RPLP1: variants seen among roughly 807,000 people sequenced by gnomAD.
RPLP1 encodes large ribosomal subunit protein P1.
A neutral mutation model predicts 11.6 loss-of-function variants in RPLP1; 4 were observed. The ratio of observed to expected loss-of-function variants is 0.34; its 90% CI spans 0.17 to 0.79. The LOEUF is 0.79. Ranked by LOEUF, RPLP1 falls within the 30% of genes least tolerant of loss-of-function variation. RPLP1 has a pLI of 0.55. For missense variants in RPLP1, 133 were observed against 142.8 expected, an observed-to-expected ratio of 0.93 and a Z score of 0.35; for synonymous variants, 54 against 52.2, an observed-to-expected ratio of 1.03 and a Z score of -0.15.
rs773218696 is a variant in RPLP1, at chr15:69,455,207, A to G, written c.185A>G (p.Asn62Ser). ...GTCAACATTGGGAGCCTCATCTGCAATGTAGGGGCCGGTGGACCTGCTCCA... is the reference window on the plus strand; with the variant it reads ...GTCAACATTGGGAGCCTCATCTGCAGTGTAGGGGCCGGTGGACCTGCTCCA... ...ANVNIGSLICNVGAGGPAPAA... is the reference protein window; with the variant it reads ...ANVNIGSLICSVGAGGPAPAA... Residue 62 changes from asparagine to serine, a missense_variant, in exon 3 of 4, where the codon AAT becomes AGT. Physicochemically the swap from Asn to Ser is conservative, Grantham distance 46 (BLOSUM62 1). Coordinates refer to ENST00000260379, the MANE Select transcript of RPLP1 (RefSeq NM_001003.3). 4.1e-5 allele frequency: 66 copies of G among 1,606,772 alleles called. No homozygotes were observed. Among genetic ancestry groups the G allele is most frequent in the Non-Finnish European group, 4.8e-5 (56 of 1,176,890 alleles).
In RPLP1 at chr15:69,455,222, G is replaced by T; in HGVS notation, c.200G>T (p.Gly67Val). 1 of 1,607,264 alleles carries T rather than the reference G, an allele frequency of 6.2e-7. No individual in the cohort carries two copies. Among genetic ancestry groups the T allele is most frequent in the African/African-American group, 1.3e-5 (1 of 74,756 alleles). ...GSLICNVGAG[G>V]PAPAAGAAPA... ...CTCATCTGCAATGTAGGGGCCGGTG[G>T]ACCTGCTCCAGCAGCTGGTGCTGCA... Residue 67 changes from glycine (G) to valine (V), a missense_variant, in exon 3 of 4, where the codon GGA (glycine) becomes GTA (valine). By Grantham distance (109) the Gly-to-Val change is moderately radical. Coordinates refer to ENST00000260379, the MANE Select transcript of RPLP1 (RefSeq NM_001003.3).
chr15:69,453,274 C>T (rs565291728), intron 1 of RPLP1: 2 of 581,064 alleles, frequency 3.4e-6, no homozygotes, highest in Non-Finnish European at 3.0e-6. Flanking sequence ...CAAGAGCCTT[C>T]GTGTAGAAAA....
Position 69,455,535 on chromosome 15 carries a change from A to G in RPLP1, c.*28A>G. 6.5e-7 allele frequency: 1 copy of G among 1,533,506 alleles called. No homozygotes were observed. The highest frequency in any genetic ancestry group is 8.9e-7 in the Non-Finnish European group (1 of 1,125,102). 95.0% of individuals were successfully genotyped at this position (1,533,506 alleles called of 1,614,324 possible). ...CTCTTTTATAACATGTTCAATAAAA[A>G]GCTGAACTTTACTGCTGTTGGTCTT... On this transcript the variant is annotated 3_prime_UTR_variant, in exon 4 of 4. Transcript: ENST00000260379.
chr15:69,453,904 C>A (rs1452066448), intron 2 of RPLP1, 183 bp downstream of exon 2: 7 of 600,806 alleles, frequency 1.2e-5, no homozygotes, highest in Non-Finnish European at 2.1e-5. Flanking sequence ...TCTTACGTTT[C>A]CTTATCAGAC....
At chr15:69,454,842 G>A (rs902150042) in intron 2 of RPLP1, 2 of 179,394 alleles carry the variant, frequency 1.1e-5, no homozygotes, top group African/African-American at 4.7e-5. Context: ...TGTAACCTAA[G>A]TCTTGGCTGT....
In RPLP1 at chr15:69,453,113, C is replaced by T; in HGVS notation, c.72+93C>T. On this transcript the variant is annotated intron_variant, in intron 1 of 3. Coordinates refer to ENST00000260379, the MANE Select transcript of RPLP1 (RefSeq NM_001003.3). ...CCCGGCTCCAGGCCGTTCGACTGAG[C>T]ACTTCCGGCCGGGGCCAGGCCGCGA... is the stretch of plus-strand genomic sequence containing the variant. The T allele has an allele frequency of 5.9e-6, 7 of 1,191,502 alleles. No individual in the cohort carries two copies. The Admixed American group carries it at 6.0e-5, about 10-fold the overall frequency. 73.8% of individuals were successfully genotyped at this position (1,191,502 alleles called of 1,614,324 possible).
rs903166721 is a variant in RPLP1 at position 69,452,852 on chromosome 15, C to G, written c.-97C>G. 7.7e-6 allele frequency: 9 copies of G among 1,175,902 alleles called. No individual in the cohort carries two copies. Among genetic ancestry groups the G allele is most frequent in the African/African-American group, 3.0e-5 (2 of 66,032 alleles). The allele number at this position is 1,175,902 out of a possible 1,614,324, so 72.8% of individuals were successfully genotyped here. A position where few individuals can be genotyped will look rare whatever the true frequency, so the allele number is the denominator to read the frequency against. ...TCAGCTGCCGCCAAGGTGCTCGGTC[C>G]TTCCGAGGAAGCTAAGGCTGCGTTG... is the stretch of plus-strand genomic sequence containing the variant. On this transcript the variant is annotated 5_prime_UTR_variant, in exon 1 of 4. Coordinates refer to ENST00000260379, the MANE Select transcript of RPLP1 (RefSeq NM_001003.3).
intron 2 of RPLP1, 188 bp downstream of exon 2, chr15:69,453,909 T>G (rs904174910): frequency 3.3e-6 from 2 of 600,338 alleles, no homozygotes; most frequent in Middle Eastern, 3.8e-4. Context: ...CGTTTCCTTA[T>G]CAGACTCTGG....
rs765659388 is a variant in RPLP1, at chr15:69,455,509, CCT to C, written c.*5_*6del. The C allele has an allele frequency of 1.3e-6, 2 of 1,595,820 alleles. No individual in the cohort carries two copies. Among genetic ancestry groups the C allele is most frequent in the South Asian group, 2.2e-5 (2 of 89,564 alleles). ...ATGGGCTTTGGTCTTTTTGACTAAA[CCT>C]CTTTTATAACATGTTCAATAAAAAG... On this transcript the variant is annotated 3_prime_UTR_variant, in exon 4 of 4. Transcript: ENST00000260379.
At position 69,453,507 on chromosome 15, in the gene RPLP1, C is replaced by T. The variant is rs1892385298; in HGVS notation, c.73-140C>T. The T allele has an allele frequency of 3.3e-6, 3 of 897,440 alleles. No individual in the cohort carries two copies. In the African/African-American group the frequency reaches 5.0e-5, roughly 15 times the overall value. 55.6% of individuals were successfully genotyped at this position (897,440 alleles called of 1,614,324 possible). A position where few individuals can be genotyped will look rare whatever the true frequency, so the allele number is the denominator to read the frequency against. ...GATGGGCTCGCCTCATTGCAGGGCG[C>T]CTGGCACACATCTCTTTTGCTTGTG... On this transcript the variant is annotated intron_variant, in intron 1 of 3. Transcript: ENST00000260379.
chr15:69,453,518 T>TG, intron 1 of RPLP1, 129 bp from the exon 2 acceptor site: 1 of 1,020,888 alleles, frequency 9.8e-7, no homozygotes, highest in South Asian at 1.4e-5. Context: ...CTGGCACACA[T>TG]CTCTTTTGCT....
In RPLP1 at chr15:69,452,933, T is replaced by C; in HGVS notation, c.-16T>C. ...GCACCGCGTCCGGCAGCGCCAGCCC[T>C]ACACTCGCCCGCGCCATGGCCTCTG... On this transcript the variant is annotated 5_prime_UTR_variant, in exon 1 of 4. Coordinates refer to ENST00000260379, the MANE Select transcript of RPLP1 (RefSeq NM_001003.3). 2 of 1,567,688 alleles carry C rather than the reference T, an allele frequency of 1.3e-6. No individual in the cohort carries two copies. Among genetic ancestry groups the C allele is most frequent in the East Asian group, 2.4e-5 (1 of 41,684 alleles).
intron 2 of RPLP1, chr15:69,454,536 C>G (rs1269551325): frequency 1.3e-5 from 2 of 152,290 alleles, no homozygotes; most frequent in East Asian, 3.9e-4. Flanking sequence ...TAGCATCTAA[C>G]TCCAGGGTTG....
In RPLP1 at chr15:69,455,329, A is replaced by AT. The variant is rs762913884; in HGVS notation, c.265+48dup. 2.0e-5 allele frequency: 31 copies of AT among 1,538,236 alleles called. 1 individual carries two copies. Among genetic ancestry groups the AT allele is most frequent in the South Asian group, 6.3e-5 (5 of 79,210 alleles). ...TTTTAGTATTGGGAGGAGTGTAGAG[A>AT]TTTTTTAAAAAATAGTATTATAGAC... On this transcript the variant is annotated intron_variant, in intron 3 of 3. Transcript: ENST00000260379.
chr15:69,455,467 A>T lies in RPLP1; in HGVS notation c.305A>T (p.Glu102Val). 1 of 1,611,336 alleles carries T rather than the reference A, an allele frequency of 6.2e-7. No homozygotes were observed. The highest frequency in any genetic ancestry group is 8.5e-7 in the Non-Finnish European group (1 of 1,179,746). The change falls in exon 4 of 4, where the codon GAG becomes GTG. Residue 102 changes from glutamate (E) to valine (V), a missense_variant. By Grantham distance (121) the Glu-to-Val change is moderately radical (BLOSUM62 -2). Coordinates refer to ENST00000260379, the MANE Select transcript of RPLP1 (RefSeq NM_001003.3). ...KKVEAKKEESEESDDDMGFGL... is the reference protein window; with the variant it reads ...KKVEAKKEESVESDDDMGFGL... ...GTGGAAGCAAAGAAAGAAGAATCCG[A>T]GGAGTCTGATGATGACATGGGCTTT...
In RPLP1 at chr15:69,453,350, C is replaced by T. The variant is rs1892381777; in HGVS notation, c.73-297C>T. The T allele has an allele frequency of 5.2e-6, 3 of 576,618 alleles. No homozygotes were observed. The East Asian group carries it at 8.8e-5, about 17-fold the overall frequency. The allele number at this position is 576,618 out of a possible 1,614,324, so 35.7% of individuals were successfully genotyped here. On this transcript the variant is annotated intron_variant, in intron 1 of 3. Coordinates refer to ENST00000260379, the MANE Select transcript of RPLP1 (RefSeq NM_001003.3). ...CTCTCTCAGGGACACTTACTCGGAC[C>T]TCTTTCGGTGTAATTGCCTTGAATT... is the stretch of plus-strand genomic sequence containing the variant.
At chr15:69,453,512 C>G (rs1892385409) in intron 1 of RPLP1, 135 bp from the exon 2 acceptor site, 1 of 954,674 alleles carries the variant, frequency 1.0e-6, no homozygotes, top group Non-Finnish European at 1.6e-6. Flanking sequence ...GGGCGCCTGG[C>G]ACACATCTCT....
chr15:69,453,500 C>T (rs1364946489), intron 1 of RPLP1, 147 bp from the exon 2 acceptor site: 11 of 834,544 alleles, frequency 1.3e-5, no homozygotes, highest in Non-Finnish European at 1.9e-5. Flanking sequence ...CGCCTCATTG[C>T]AGGGCGCCTG....
rs1366197022 is a variant in RPLP1, at chr15:69,455,234, C to T, written c.212C>T (p.Ala71Val). ...CNVGAGGPAPAAGAAPAGGPA... is the reference protein window; with the variant it reads ...CNVGAGGPAPVAGAAPAGGPA... ...GTAGGGGCCGGTGGACCTGCTCCAGCAGCTGGTGCTGCACCAGCAGGAGGT... is the reference window on the plus strand; with the variant it reads ...GTAGGGGCCGGTGGACCTGCTCCAGTAGCTGGTGCTGCACCAGCAGGAGGT... Residue 71 changes from alanine (A) to valine (V), a missense_variant, in exon 3 of 4, where the codon GCA becomes GTA. Ala to Val is a moderately conservative substitution (Grantham distance 64). Transcript: ENST00000260379. 2.5e-6 allele frequency: 4 copies of T among 1,605,934 alleles called. No individual in the cohort carries two copies. The highest frequency in any genetic ancestry group is 3.4e-6 in the Non-Finnish European group (4 of 1,176,154).
Sources: allele counts gnomAD v4.1 joint callset, GRCh38; gene constraint gnomAD v4.1.1; transcripts MANE v1.5; gene names NCBI Gene and HGNC (gene_info 2026-07-23, HGNC 2026-07-21).